PALLD: variants seen among roughly 807,000 people sequenced by gnomAD.
PALLD encodes palladin, cytoskeletal associated protein.
PALLD carries 61 observed loss-of-function variants against 123.5 expected under a neutral mutation model. That is an observed-to-expected ratio of 0.49 (90% CI 0.40 to 0.61). PALLD has a LOEUF of 0.61. Among genes scored for constraint, PALLD ranks in the 20% least tolerant of loss-of-function variants. The probability of loss-of-function intolerance (pLI) is 0.00; values close to 1 mark genes in which losing one functional copy is unlikely to be tolerated. For missense variants in PALLD, 1,273 were observed against 1,377.0 expected (o/e 0.92, Z 1.20); for synonymous variants, 465 against 496.4 (o/e 0.94, Z 0.84).
intron 2 of PALLD, among the ~76,000 whole-genome samples, chr4:168,664,403 C>T (rs879151613): frequency 1.3e-5 from 2 of 152,164 alleles, no homozygotes; most frequent in Admixed American, 1.3e-4. Flanking sequence ...TCTATTTAGT[C>T]ATCTGAAATG....
At position 168,793,851 on chromosome 4, in the gene PALLD, A is replaced by C. The variant is rs1738000305; in HGVS notation, c.1964+81928A>C. ...TCAGATAGAAGTCTTCCCATCAGAAACAGATCATTCTCAGTATAGTAATTA... is the reference window on the plus strand; with the variant it reads ...TCAGATAGAAGTCTTCCCATCAGAACCAGATCATTCTCAGTATAGTAATTA... On this transcript the variant is annotated intron_variant, in intron 10 of 21. Transcript: ENST00000505667. Among the ~76,000 whole-genome samples the C allele has an allele frequency of 1.3e-5, 2 of 152,132 alleles. 1 individual carries two copies. The highest frequency in any genetic ancestry group is 4.1e-4 in the South Asian group (2 of 4,826).
At chr4:168,655,348 G>A (rs1477611397) in intron 2 of PALLD, among the ~76,000 whole-genome samples, 1 of 152,238 alleles carries the variant, frequency 6.6e-6, no homozygotes, top group Non-Finnish European at 1.5e-5. Context: ...TGACGGGGCA[G>A]TTTACAGTTT....
chr4:168,543,887 C>G (rs763739515), intron 2 of PALLD, among the ~76,000 whole-genome samples: 10 of 152,206 alleles, frequency 6.6e-5, no homozygotes, highest in Non-Finnish European at 1.2e-4. Flanking sequence ...TCTAGTTTTG[C>G]TCACTCATTA....
At chr4:168,725,397 A>G (rs1360434602) in intron 10 of PALLD, among the ~76,000 whole-genome samples, 2 of 152,094 alleles carry the variant, frequency 1.3e-5, no homozygotes, top group Non-Finnish European at 2.9e-5. Context: ...TAGTTCATAT[A>G]CCATCTGGTT....
intron 10 of PALLD, among the ~76,000 whole-genome samples, chr4:168,828,636 A>C (rs10017455): frequency 0.39 from 58,570 of 152,120 alleles, 12,018 homozygotes; most frequent in Non-Finnish European, 0.46. Context: ...CACTATTTTC[A>C]TTGTGAGAAA....
At chr4:168,896,443 A>G (rs1755188918) in intron 12 of PALLD, 106 bp from the exon 13 acceptor site, 1 of 714,032 alleles carries the variant, frequency 1.4e-6, no homozygotes, top group Non-Finnish European at 2.5e-6. Context: ...TTACTACCAA[A>G]CGCATATTGC....
intron 10 of PALLD, among the ~76,000 whole-genome samples, chr4:168,719,892 G>C (rs2150254198): frequency 6.6e-6 from 1 of 152,278 alleles, no homozygotes; most frequent in South Asian, 2.1e-4. Flanking sequence ...TGTCCATGTT[G>C]CTGGGAAAGA....
chr4:168,536,622 C>CA (rs1266248579), intron 2 of PALLD: 2 of 152,126 alleles, frequency 1.3e-5, no homozygotes, highest in African/African-American at 4.8e-5. Context: ...AAATGTCAAG[C>CA]AAAGCGAGGA....
rs191895448 is a variant in PALLD at position 168,598,017 on chromosome 4, G to C, written c.909-70173G>C. ...TAAACATGATTATCAAATAATCCAA[G>C]AGCCTATTTACTACCCCTATAAGAA... On this transcript the variant is annotated intron_variant, in intron 2 of 21. Transcript: ENST00000505667. Among the ~76,000 whole-genome samples, 5 of 151,972 alleles carry C rather than the reference G, an allele frequency of 3.3e-5. No individual in the cohort carries two copies. The East Asian group carries it at 9.7e-4, about 29-fold the overall frequency.
chr4:168,922,148 G>C (rs1761714571), intron 18 of PALLD, among the ~76,000 whole-genome samples: 2 of 140,572 alleles, frequency 1.4e-5, no homozygotes, highest in African/African-American at 5.4e-5. Context: ...CACACACCTG[G>C]TTTTTAAAAC....
intron 2 of PALLD, among the ~76,000 whole-genome samples, chr4:168,646,601 G>A (rs931852432): frequency 3.3e-5 from 5 of 152,306 alleles, no homozygotes; most frequent in Non-Finnish European, 5.9e-5. Flanking sequence ...TGCACAGGAG[G>A]CATCCAAGAA....
chr4:168,590,323 C>T (rs148721757), intron 2 of PALLD, among the ~76,000 whole-genome samples: 5,088 of 152,302 alleles, frequency 0.033, 280 homozygotes, highest in African/African-American at 0.11. Flanking sequence ...GCCTGGGCAA[C>T]AAGAGCAAAA....
At chr4:168,659,257 G>A (rs920978879) in intron 2 of PALLD, among the ~76,000 whole-genome samples, 5 of 152,182 alleles carry the variant, frequency 3.3e-5, no homozygotes, top group Non-Finnish European at 7.3e-5. Context: ...CCATTCCTTT[G>A]AGGAAAAGGA....
chr4:168,705,102 C>T (rs1784102223), intron 8 of PALLD, among the ~76,000 whole-genome samples: 1 of 152,026 alleles, frequency 6.6e-6, no homozygotes, highest in Non-Finnish European at 1.5e-5. Context: ...GACTTAACTG[C>T]GTTTTTAAGA....
At chr4:168,661,979 A>G (rs1580819162) in intron 2 of PALLD, among the ~76,000 whole-genome samples, 1 of 152,196 alleles carries the variant, frequency 6.6e-6, no homozygotes, top group African/African-American at 2.4e-5. Context: ...TTGAATTTTT[A>G]TAAGTCCTTA....
chr4:168,905,537 C>G (rs148689979), intron 15 of PALLD, among the ~76,000 whole-genome samples: 1 of 151,982 alleles, frequency 6.6e-6, no homozygotes, highest in East Asian at 1.9e-4. Flanking sequence ...ATATATTTTT[C>G]TGCAATAATA....
At chr4:168,623,019 A>G (rs1774910637) in intron 2 of PALLD, among the ~76,000 whole-genome samples, 1 of 152,260 alleles carries the variant, frequency 6.6e-6, no homozygotes, top group Non-Finnish European at 1.5e-5. Flanking sequence ...CAAGGTACTT[A>G]TTATTGAATT....
At chr4:168,703,402 A>G (rs1160337570) in intron 8 of PALLD, among the ~76,000 whole-genome samples, 1 of 119,812 alleles carries the variant, frequency 8.3e-6, no homozygotes. Flanking sequence ...AGCATGATTT[A>G]TAGTCCTTTG....
chr4:168,907,715 C>G lies in PALLD; in HGVS notation c.2622+3809C>G, dbSNP rs148827270. Among the ~76,000 whole-genome samples the G allele has an allele frequency of 1.6e-3, 238 of 152,264 alleles. 2 individuals are homozygous for G. Among genetic ancestry groups the G allele is most frequent in the Non-Finnish European group, 2.8e-3 (193 of 68,020 alleles). On this transcript the variant is annotated intron_variant, in intron 15 of 21. Transcript: ENST00000505667. ...GGTTAACCCTCTCTGGTTCTTTGCT[C>G]TACCCTTTGGAGAGAAGACAAAGCA...
Sources: allele counts gnomAD v4.1 joint callset (sites outside exome capture counted in the v4.1 genomes callset), GRCh38; gene constraint gnomAD v4.1.1; transcripts MANE v1.5; gene names NCBI Gene and HGNC (gene_info 2026-07-23, HGNC 2026-07-21).